The following DPF3 variants were observed in gnomAD, a reference collection of about 807,000 sequenced individuals.
The protein encoded by DPF3 is zinc finger protein DPF3.
In DPF3, 18 loss-of-function variants were observed where a neutral mutation model predicts 56.8. The observed-to-expected ratio is 0.32, with a 90% CI of 0.22 to 0.47. DPF3 has a LOEUF of 0.47. DPF3 is among the 20% of genes least tolerant of loss of function. DPF3 has a pLI of 1.00. For synonymous variants in DPF3, 188 were observed against 180.2 expected (o/e 1.04, Z -0.35); for missense variants, 403 against 488.8 (o/e 0.82, Z 1.65).
At chr14:72,891,983 C>T (rs2140138243) in intron 1 of DPF3, among the ~76,000 whole-genome samples, 1 of 152,296 alleles carries the variant, frequency 6.6e-6, no homozygotes, top group Admixed American at 6.5e-5. Flanking sequence ...TTCCCCCACC[C>T]TTAACCCCAC....
chr14:72,807,504 A>C (rs1325018669), intron 1 of DPF3, among the ~76,000 whole-genome samples: 1 of 152,148 alleles, frequency 6.6e-6, no homozygotes, highest in Non-Finnish European at 1.5e-5. Context: ...GCCCTTTGAC[A>C]ACACCTAAAA....
rs137879002 is a variant in DPF3, at chr14:72,883,871, G to A, written c.32+10186C>T. Among the ~76,000 whole-genome samples, 4 of 147,908 alleles carry A rather than the reference G, an allele frequency of 2.7e-5. No individual in the cohort carries two copies. In the East Asian group the frequency reaches 8.0e-4, roughly 30 times the overall value. ...GAACGTGGGAGGCAGAGGTTGCAGTGAGCCAAGATCACGCCACTGCACTCC... is the reference window on the plus strand; with the variant it reads ...GAACGTGGGAGGCAGAGGTTGCAGTAAGCCAAGATCACGCCACTGCACTCC... On this transcript the variant is annotated intron_variant, in intron 1 of 10. Transcript: ENST00000556509.
chr14:72,719,068 C>CCTTTTT (rs1168048439), intron 5 of DPF3, among the ~76,000 whole-genome samples: 2 of 99,092 alleles, frequency 2.0e-5, no homozygotes, highest in Admixed American at 2.1e-4. Flanking sequence ...CCGTGCCAGG[C>CCTTTTT]CTTTTTTTTT....
chr14:72,751,862 C>T (rs1161682813), intron 3 of DPF3, among the ~76,000 whole-genome samples: 1 of 152,154 alleles, frequency 6.6e-6, no homozygotes, highest in Non-Finnish European at 1.5e-5. Context: ...TGATCTCCTA[C>T]AACCTGCAAC....
At chr14:72,883,372 A>G (rs2140126780) in intron 1 of DPF3, among the ~76,000 whole-genome samples, 1 of 152,302 alleles carries the variant, frequency 6.6e-6, no homozygotes, top group East Asian at 1.9e-4. Context: ...GTGGGAGATC[A>G]CTTGAGTCAA....
chr14:72,657,631 C>A (rs1181938507), intron 8 of DPF3, among the ~76,000 whole-genome samples: 1 of 152,074 alleles, frequency 6.6e-6, no homozygotes, highest in Admixed American at 6.6e-5. Flanking sequence ...CTATTACCAC[C>A]ACCACCACCA....
rs142791467 is a variant in DPF3 at position 72,858,815 on chromosome 14, G to A, written c.32+35242C>T. 3.7e-3 allele frequency among the ~76,000 whole-genome samples: 566 copies of A among 152,186 alleles called. 3 individuals carry two copies. The highest frequency in any genetic ancestry group is 0.013 in the African/African-American group (531 of 41,544). On this transcript the variant is annotated intron_variant, in intron 1 of 10. Transcript: ENST00000556509. ...TGGAGAGGTATCTGAAATTATGTTC[G>A]TCCAATGGATTTGGGGTGATAATTT... is the stretch of plus-strand genomic sequence containing the variant.
At chr14:72,886,164 G>A (rs1380293314) in intron 1 of DPF3, among the ~76,000 whole-genome samples, 4 of 152,184 alleles carry the variant, frequency 2.6e-5, no homozygotes, top group African/African-American at 9.7e-5. Flanking sequence ...CTGAGGTCAG[G>A]AGTTCGAGAC....
At position 72,731,812 on chromosome 14, in the gene DPF3, T is replaced by G; in HGVS notation, c.424A>C (p.Ile142Leu). The G allele has an allele frequency of 6.2e-7, 1 of 1,613,558 alleles. No homozygotes were observed. The highest frequency in any genetic ancestry group is 8.5e-7 in the Non-Finnish European group (1 of 1,179,778). The change falls in exon 4 of 11, where the codon ATA becomes CTA. Residue 142 changes from isoleucine to leucine, a missense_variant. By Grantham distance (5) the Ile-to-Leu change is conservative. Coordinates refer to ENST00000556509, the MANE Select transcript of DPF3 (RefSeq NM_001280542.3). ...DAREEESIQE[I>L]QRVLENDENV... The stretch of plus-strand genomic sequence containing the variant: ...CCCAGCAGGTGTGGGAATACCTGTA[T>G]TTCCTGGATGCTTTCCTCCTCCCTG...
chr14:72,738,590 T>C lies in DPF3; in HGVS notation c.302-6656A>G, dbSNP rs939261029. 2.0e-5 allele frequency among the ~76,000 whole-genome samples: 3 copies of C among 151,396 alleles called. No individual in the cohort carries two copies. The East Asian group carries it at 5.8e-4, about 29-fold the overall frequency. On this transcript the variant is annotated intron_variant, in intron 3 of 10. Coordinates refer to ENST00000556509, the MANE Select transcript of DPF3 (RefSeq NM_001280542.3). ...CAGGAGGGTGAGACGGGGAGGGTGG[T>C]GGGAGTGGACAGAGTGCGGGCAGCA...
chr14:72,756,223 T>G (rs530528040), intron 2 of DPF3, among the ~76,000 whole-genome samples: 1 of 152,224 alleles, frequency 6.6e-6, no homozygotes. Context: ...ACTACTTTTC[T>G]GTTACTTTGA....
intron 8 of DPF3, chr14:72,661,070 T>A (rs1054368153): frequency 1.0e-6 from 1 of 985,392 alleles, no homozygotes; most frequent in African/African-American, 1.7e-5. Context: ...AGACTTTTTA[T>A]TTAACAGAAA....
intron 1 of DPF3, among the ~76,000 whole-genome samples, chr14:72,781,618 A>G (rs1200038305): frequency 6.6e-6 from 1 of 152,012 alleles, no homozygotes; most frequent in Non-Finnish European, 1.5e-5. Flanking sequence ...TTCTGATGAC[A>G]TACACATCTC....
intron 7 of DPF3, among the ~76,000 whole-genome samples, chr14:72,691,003 C>T (rs572294766): frequency 1.3e-5 from 2 of 152,286 alleles, no homozygotes; most frequent in South Asian, 4.2e-4. Flanking sequence ...GTATTGGCTG[C>T]CTCAGTACAG....
chr14:72,742,836 C>T (rs1383026813), intron 3 of DPF3: 3 of 152,300 alleles, frequency 2.0e-5, no homozygotes, highest in Non-Finnish European at 4.4e-5. Context: ...CAGTTCAGCG[C>T]AGCAGGGACA....
chr14:72,646,157 G>T (rs145137530), intron 8 of DPF3, among the ~76,000 whole-genome samples: 2 of 152,310 alleles, frequency 1.3e-5, no homozygotes, highest in East Asian at 3.9e-4. Context: ...TCTCATCAAA[G>T]GAGTGAATGT....
chr14:72,683,326 C>CAAAAAAAAA (rs56087517), intron 7 of DPF3, among the ~76,000 whole-genome samples: 2 of 79,602 alleles, frequency 2.5e-5, no homozygotes, highest in Non-Finnish European at 2.5e-5. Context: ...GACCCCATCT[C>CAAAAAAAAA]AAAAAAAAAA....
rs995221528 is a variant in DPF3, at chr14:72,793,259, T to G, written c.33-21366A>C. On this transcript the variant is annotated intron_variant, in intron 1 of 10. Transcript: ENST00000556509. ...CATTGGCCATTTAACAAGGCAGCAT[T>G]GCCCCATGTGGACTGGCTGGGTGGA... 3.3e-5 allele frequency among the ~76,000 whole-genome samples: 5 copies of G among 152,196 alleles called. No individual in the cohort carries two copies. The East Asian group carries it at 9.6e-4, about 29-fold the overall frequency.
intron 1 of DPF3, among the ~76,000 whole-genome samples, chr14:72,817,751 A>G (rs539791226): frequency 6.6e-6 from 1 of 152,356 alleles, no homozygotes; most frequent in Admixed American, 6.5e-5. Flanking sequence ...TATCTATCTG[A>G]TAGCTGAATG....
Sources: gnomAD v4.1 joint callset for allele counts (sites outside exome capture counted in the v4.1 genomes callset) on GRCh38, gnomAD v4.1.1 for gene constraint, MANE v1.5 for transcripts, NCBI Gene and HGNC (gene_info 2026-07-23, HGNC 2026-07-21) for gene names.